DCAF1: variants seen among roughly 807,000 people sequenced by gnomAD.
The protein encoded by DCAF1 is DDB1 and CUL4 associated factor 1.
In DCAF1, 15 loss-of-function variants were observed where a neutral mutation model predicts 128.0. The ratio of observed to expected loss-of-function variants is 0.12; its 90% CI spans 0.08 to 0.18. The LOEUF (loss-of-function observed/expected upper bound fraction) is 0.18. DCAF1 is among the 10% of genes least tolerant of loss of function. The pLI is 1.00. For synonymous variants in DCAF1, 610 were observed against 603.0 expected, an observed-to-expected ratio of 1.01 and a Z score of -0.17; for missense variants, 988 against 1,649.5, an observed-to-expected ratio of 0.60 and a Z score of 6.95.
Position 51,413,977 on chromosome 3 carries a change from T to C in DCAF1, c.3904A>G (p.Asn1302Asp). The C allele has an allele frequency of 6.3e-7, 1 of 1,597,630 alleles. No individual in the cohort carries two copies. Among genetic ancestry groups the C allele is most frequent in the South Asian group, 1.2e-5 (1 of 86,756 alleles). ...PALDQCRVVF[N>D]HTGTVMYGAM... ...CCATACATCACTGTTCCCGTGTGAT[T>C]GAACACCACGCGACACTGATCCAGA... is the stretch of plus-strand genomic sequence containing the variant. The change falls in exon 20 of 25, where the codon AAT becomes GAT. Residue 1302 changes from asparagine (N) to aspartate (D), a missense_variant. Physicochemically the swap from Asn to Asp is conservative, Grantham distance 23. Coordinates refer to ENST00000684031, the MANE Select transcript of DCAF1 (RefSeq NM_001387579.1).
chr3:51,493,953 C>T (rs1339187057), intron 2 of DCAF1, among the ~76,000 whole-genome samples: 3 of 149,560 alleles, frequency 2.0e-5, no homozygotes, highest in Non-Finnish European at 3.0e-5. Context: ...GCCAAGATTG[C>T]GCCACTGCAC....
intron 17 of DCAF1, 108 bp downstream of exon 17, chr3:51,418,008 C>A (rs1431324421): frequency 2.2e-6 from 3 of 1,391,342 alleles, no homozygotes; most frequent in Admixed American, 2.6e-5. Flanking sequence ...TTAACAATAA[C>A]CGACAGCATC....
chr3:51,422,249 G>A (rs1699467240), intron 14 of DCAF1, 58 bp downstream of exon 14: 1 of 723,672 alleles, frequency 1.4e-6, no homozygotes, highest in Non-Finnish European at 2.6e-6. Flanking sequence ...AGACCAGAGT[G>A]GCAAAGAAAA....
In DCAF1 at chr3:51,463,194, G is replaced by A. The variant is rs2108065288; in HGVS notation, c.295C>T (p.Pro99Ser). The stretch of plus-strand genomic sequence containing the variant: ...CTGCAAGCTGCAGTGTTTAAAGGGG[G>A]CTCTCGGCTTGTCATCACATATGCA... Reference protein sequence around the residue: ...VNAYVMTSREPPLNTAACRLL... With the variant: ...VNAYVMTSRESPLNTAACRLL... Residue 99 changes from proline to serine, a missense_variant, in exon 6 of 25, where the codon CCC becomes TCC. Physicochemically the swap from Pro to Ser is moderately conservative, Grantham distance 74. This residue lies in a region of DCAF1 where 210 missense variants were observed against 260.2 expected (regional missense o/e 0.81). Coordinates refer to ENST00000684031, the MANE Select transcript of DCAF1 (RefSeq NM_001387579.1). The A allele has an allele frequency of 6.3e-7, 1 of 1,590,178 alleles. No homozygotes were observed. The highest frequency in any genetic ancestry group is 8.6e-7 in the Non-Finnish European group (1 of 1,167,492).
chr3:51,500,159 A>C (rs1708720867), upstream of DCAF1, among the ~76,000 whole-genome samples: 2 of 132,702 alleles, frequency 1.5e-5, no homozygotes, highest in African/African-American at 2.8e-5. Context: ...AAAATCGAAG[A>C]GCCCCGGGGA....
intron 3 of DCAF1, among the ~76,000 whole-genome samples, chr3:51,477,913 T>TATATACACAC (rs1553651266): frequency 2.0e-5 from 3 of 152,106 alleles, no homozygotes; most frequent in African/African-American, 7.2e-5. Context: ...TTTATATATA[T>TATATACACAC]ATATACACAC....
At chr3:51,429,010 A>AG (rs1700147600) in intron 12 of DCAF1, among the ~76,000 whole-genome samples, 1 of 152,212 alleles carries the variant, frequency 6.6e-6, no homozygotes, top group African/African-American at 2.4e-5. Context: ...AAAGAAAAAA[A>AG]GAAAGCTTTT....
chr3:51,442,472 C>T (rs1701447753), intron 7 of DCAF1, among the ~76,000 whole-genome samples: 2 of 151,970 alleles, frequency 1.3e-5, no homozygotes, highest in South Asian at 2.1e-4. Context: ...CCAAGATGGA[C>T]GAATCACCTG....
chr3:51,504,301 G>T (rs1708890231), upstream of DCAF1, among the ~76,000 whole-genome samples: 1 of 152,050 alleles, frequency 6.6e-6, no homozygotes, highest in Non-Finnish European at 1.5e-5. Flanking sequence ...CTCCCAAAAT[G>T]CTGGGATTAC....
At chr3:51,476,768 C>T (rs905684103) in intron 3 of DCAF1, among the ~76,000 whole-genome samples, 12 of 151,870 alleles carry the variant, frequency 7.9e-5, no homozygotes, top group African/African-American at 2.7e-4. Flanking sequence ...ATCCCAGATA[C>T]TCAGGAGGCT....
intron 13 of DCAF1, among the ~76,000 whole-genome samples, chr3:51,425,954 G>C (rs1430266005): frequency 6.6e-6 from 1 of 152,082 alleles, no homozygotes; most frequent in Non-Finnish European, 1.5e-5. Flanking sequence ...ATAGTCTGGA[G>C]ACCTCTAGAA....
chr3:51,463,502 G>A (rs970097577), intron 5 of DCAF1, among the ~76,000 whole-genome samples: 8 of 152,096 alleles, frequency 5.3e-5, no homozygotes, highest in African/African-American at 1.2e-4. Flanking sequence ...AAGGTCAAAC[G>A]CTGATGCCAG....
chr3:51,483,816 C>G lies in DCAF1; in HGVS notation c.13G>C (p.Val5Leu), dbSNP rs1553654064. 1 of 1,613,300 alleles carries G rather than the reference C, an allele frequency of 6.2e-7. No homozygotes were observed. Among genetic ancestry groups the G allele is most frequent in the Non-Finnish European group, 8.5e-7 (1 of 1,179,500 alleles). The change falls in exon 3 of 25, where the codon GTG becomes CTG. Residue 5 changes from valine to leucine, a missense_variant. By Grantham distance (32) the Val-to-Leu change is conservative. This residue lies in a region of DCAF1 where 48 missense variants were observed against 52.6 expected (regional missense o/e 0.91). Coordinates refer to ENST00000684031, the MANE Select transcript of DCAF1 (RefSeq NM_001387579.1). Reference protein sequence around the residue: MTTVVVHVDSKAELT... With the variant: MTTVLVHVDSKAELT... ...TCAGCTTTGGAGTCCACATGTACCACTACTGTAGTCATGGCTTTGCCTAAG... is the reference window on the plus strand; with the variant it reads ...TCAGCTTTGGAGTCCACATGTACCAGTACTGTAGTCATGGCTTTGCCTAAG...
intron 6 of DCAF1, among the ~76,000 whole-genome samples, chr3:51,460,295 G>C (rs1422410943): frequency 1.1e-4 from 16 of 152,098 alleles, no homozygotes; most frequent in South Asian, 2.1e-4. Context: ...AATCATGAGT[G>C]AACTCCCATT....
At chr3:51,460,845 A>G (rs1703473803) in intron 6 of DCAF1, among the ~76,000 whole-genome samples, 1 of 150,356 alleles carries the variant, frequency 6.7e-6, no homozygotes, top group African/African-American at 2.4e-5. Context: ...TGCTGGGAAA[A>G]CTGGCTAGCC....
chr3:51,416,898 A>T, intron 17 of DCAF1, 27 bp from the exon 18 acceptor site: 1 of 1,589,524 alleles, frequency 6.3e-7, no homozygotes, highest in South Asian at 1.1e-5. Context: ...GGAGCACTGA[A>T]GTGACAGATC....
intron 6 of DCAF1, among the ~76,000 whole-genome samples, chr3:51,447,746 GA>G (rs1559523715): frequency 6.6e-6 from 1 of 152,058 alleles, no homozygotes. Context: ...TCAGGAGTTC[GA>G]GACGAGCCTG....
chr3:51,451,066 A>ATTTTTTTTTT (rs1559527264), intron 6 of DCAF1, among the ~76,000 whole-genome samples: 1 of 32,760 alleles, frequency 3.1e-5, no homozygotes, highest in African/African-American at 1.0e-4. Flanking sequence ...TAAAAAGGAA[A>ATTTTTTTTTT]TTCTTTTTTT....
chr3:51,476,919 T>C (rs1559559280), intron 3 of DCAF1, among the ~76,000 whole-genome samples: 1 of 149,390 alleles, frequency 6.7e-6, no homozygotes, highest in Non-Finnish European at 1.5e-5. Flanking sequence ...CTGTCTCTAT[T>C]AAAAAAAACA....
Sources: gnomAD v4.1 joint callset for allele counts (sites outside exome capture counted in the v4.1 genomes callset) on GRCh38, gnomAD v4.1.1 for gene constraint, gnomAD v4.1.1 regional missense constraint, MANE v1.5 for transcripts, NCBI Gene and HGNC (gene_info 2026-07-23, HGNC 2026-07-21) for gene names.